The following NHEJ1 variants were observed in gnomAD, a reference collection of about 807,000 sequenced individuals.
NHEJ1 encodes non-homologous end joining factor 1.
A neutral mutation model predicts 39.4 loss-of-function variants in NHEJ1; 22 were observed. That is an observed-to-expected ratio of 0.56 (90% CI 0.40 to 0.80). The LOEUF (loss-of-function observed/expected upper bound fraction) is 0.80. NHEJ1 is among the 30% of genes least tolerant of loss of function. NHEJ1 has a pLI of 0.00. For missense variants in NHEJ1, 329 were observed against 357.1 expected, an observed-to-expected ratio of 0.92 and a Z score of 0.63; for synonymous variants, 154 against 135.6, an observed-to-expected ratio of 1.14 and a Z score of -0.94.
chr2:219,131,156 C>T (rs569387883), intron 5 of NHEJ1, among the ~76,000 whole-genome samples: 2 of 152,250 alleles, frequency 1.3e-5, no homozygotes, highest in South Asian at 4.1e-4. Context: ...GAGCCCCCAG[C>T]ATTCAGTGTT....
At chr2:219,142,476 G>A (rs1459882502) in intron 5 of NHEJ1, among the ~76,000 whole-genome samples, 1 of 152,210 alleles carries the variant, frequency 6.6e-6, no homozygotes, top group Admixed American at 6.5e-5. Flanking sequence ...TGGCTCAGTG[G>A]CATGGCCTTG....
intron 5 of NHEJ1, 78 bp from the exon 6 acceptor site, chr2:219,078,284 G>A (rs983573408): frequency 2.5e-5 from 30 of 1,194,728 alleles, no homozygotes; most frequent in South Asian, 9.7e-5. Context: ...ATGCAGAACC[G>A]GCATCAACCC....
At position 219,078,268 on chromosome 2, in the gene NHEJ1, C is replaced by A. The variant is rs775496710; in HGVS notation, c.589-62G>T. The A allele has an allele frequency of 2.2e-6, 3 of 1,367,430 alleles. No individual in the cohort carries two copies. In the Admixed American group the frequency reaches 5.0e-5, roughly 23 times the overall value. 84.7% of individuals were successfully genotyped at this position (1,367,430 alleles called of 1,614,324 possible). A position where few individuals can be genotyped will look rare whatever the true frequency, so the allele number is the denominator to read the frequency against. On this transcript the variant is annotated intron_variant, in intron 5 of 7. Coordinates refer to ENST00000356853, the MANE Select transcript of NHEJ1 (RefSeq NM_024782.3). ...GTATTGCTAGAGAAGCGATCTAATA[C>A]CCCACATGCAGAACCGGCATCAACC...
At position 219,144,313 on chromosome 2, in the gene NHEJ1, T is replaced by C. The variant is rs1949716278; in HGVS notation, c.588+2367A>G. On this transcript the variant is annotated intron_variant, in intron 5 of 7. Transcript: ENST00000356853. ...GGCACCACGCACAGTGCTGGGGATA[T>C]AGAAATGCATTCAGCATGGTCCTTG... 2.0e-5 allele frequency among the ~76,000 whole-genome samples: 3 copies of C among 152,172 alleles called. No individual in the cohort carries two copies. The South Asian group carries it at 6.2e-4, about 32-fold the overall frequency.
Position 219,159,569 on chromosome 2 carries a change from A to AAC in NHEJ1, c.-1+1150_-1+1151insGT, listed in dbSNP as rs1949903105. ...TATATATGCATATATATATGCATAT[A>AAC]TATATGCATATATATATGCATATAT... On this transcript the variant is annotated intron_variant, in intron 1 of 7. Transcript: ENST00000356853. Among the ~76,000 whole-genome samples the AAC allele has an allele frequency of 1.4e-4, 2 of 14,322 alleles. 1 individual carries two copies. The highest frequency in any genetic ancestry group is 1.6e-3 in the Admixed American group (2 of 1,226). 9.4% of individuals were successfully genotyped at this position (14,322 alleles called of 152,430 possible). A position where few individuals can be genotyped will look rare whatever the true frequency, so the allele number is the denominator to read the frequency against.
intron 5 of NHEJ1, among the ~76,000 whole-genome samples, chr2:219,130,273 A>G (rs955111737): frequency 4.6e-5 from 7 of 152,134 alleles, no homozygotes; most frequent in Non-Finnish European, 8.8e-5. Flanking sequence ...CTGAGCCCCA[A>G]TACAAGGCTA....
At chr2:219,148,774 A>G (rs1949766595) in intron 3 of NHEJ1, among the ~76,000 whole-genome samples, 1 of 152,132 alleles carries the variant, frequency 6.6e-6, no homozygotes, top group Non-Finnish European at 1.5e-5. Context: ...TGGAGTTTCA[A>G]TCTGTTCCCA....
chr2:219,138,331 G>A (rs1334195733), intron 5 of NHEJ1, among the ~76,000 whole-genome samples: 5 of 152,170 alleles, frequency 3.3e-5, no homozygotes, highest in African/African-American at 1.2e-4. Flanking sequence ...ACTTCATCCC[G>A]AAGTTGGGAC....
chr2:219,113,270 T>C (rs1949382244), intron 5 of NHEJ1, among the ~76,000 whole-genome samples: 1 of 152,096 alleles, frequency 6.6e-6, no homozygotes, highest in Admixed American at 6.5e-5. Flanking sequence ...TTTCCAACGC[T>C]GCAGTCTCTG....
chr2:219,143,085 T>C (rs1949706676), intron 5 of NHEJ1, among the ~76,000 whole-genome samples: 1 of 152,184 alleles, frequency 6.6e-6, no homozygotes, highest in African/African-American at 2.4e-5. Flanking sequence ...CCAATGAGAA[T>C]TTTAAAAACT....
chr2:219,091,099 A>G (rs1199246547), intron 5 of NHEJ1, among the ~76,000 whole-genome samples: 1 of 152,110 alleles, frequency 6.6e-6, no homozygotes, highest in Non-Finnish European at 1.5e-5. Flanking sequence ...GGGTAGAGAC[A>G]TGGCCACTGC....
chr2:219,093,678 C>G (rs111773450), intron 5 of NHEJ1, among the ~76,000 whole-genome samples: 2,747 of 152,202 alleles, frequency 0.018, 99 homozygotes, highest in African/African-American at 0.062. Context: ...GGGAAAGGAA[C>G]TGAATGTTAC....
rs1372055276 is a variant in NHEJ1 at position 219,072,191 on chromosome 2, G to C, written c.*4190C>G. ...TCTGAGGCCTTGGCCAAGAACACAAGGAAAAAACATAGAGCAATGAGCTGC... is the reference window on the plus strand; with the variant it reads ...TCTGAGGCCTTGGCCAAGAACACAACGAAAAAACATAGAGCAATGAGCTGC... On this transcript the variant is annotated 3_prime_UTR_variant, in exon 8 of 8. Transcript: ENST00000356853. 2.6e-5 allele frequency among the ~76,000 whole-genome samples: 4 copies of C among 152,154 alleles called. No homozygotes were observed. The highest frequency in any genetic ancestry group is 6.5e-5 in the Admixed American group (1 of 15,274).
At chr2:219,121,782 C>T (rs1024765538) in intron 5 of NHEJ1, among the ~76,000 whole-genome samples, 4 of 151,312 alleles carry the variant, frequency 2.6e-5, no homozygotes, top group South Asian at 4.2e-4. Context: ...GCCCTGATTG[C>T]ACCACCACAC....
intron 4 of NHEJ1, 151 bp downstream of exon 4, chr2:219,147,506 C>T (rs1949752681): frequency 5.7e-6 from 5 of 871,876 alleles, no homozygotes; most frequent in Non-Finnish European, 9.2e-6. Flanking sequence ...AAAAAAGAGT[C>T]ACCTAATATC....
chr2:219,151,494 A>C (rs186629535), intron 3 of NHEJ1, among the ~76,000 whole-genome samples: 26 of 152,384 alleles, frequency 1.7e-4, no homozygotes, highest in African/African-American at 6.0e-4. Flanking sequence ...TATTTGGTTT[A>C]AAGAAAGTTT....
At chr2:219,121,084 T>C (rs1002012295) in intron 5 of NHEJ1, among the ~76,000 whole-genome samples, 5 of 152,004 alleles carry the variant, frequency 3.3e-5, no homozygotes, top group Admixed American at 3.3e-4. Flanking sequence ...TGCATGCCTA[T>C]AATCCCAGCT....
chr2:219,085,196 A>G lies in NHEJ1; in HGVS notation c.589-6990T>C, dbSNP rs1043766372. 1.2e-4 allele frequency among the ~76,000 whole-genome samples: 19 copies of G among 152,364 alleles called. No homozygotes were observed. In the South Asian group the frequency reaches 3.9e-3, roughly 32 times the overall value. On this transcript the variant is annotated intron_variant, in intron 5 of 7. Transcript: ENST00000356853. Reference sequence around the variant, plus strand: ...TCCTCAGAGTCTGAGAGAAAAAACTACTAGGACAGAGAAAAGAGATAGGGT... The same window carrying G: ...TCCTCAGAGTCTGAGAGAAAAAACTGCTAGGACAGAGAAAAGAGATAGGGT...
At chr2:219,101,659 C>A (rs1243462647) in intron 5 of NHEJ1, among the ~76,000 whole-genome samples, 1 of 152,014 alleles carries the variant, frequency 6.6e-6, no homozygotes, top group Non-Finnish European at 1.5e-5. Flanking sequence ...GATCTTCCTG[C>A]CTCGGCCTCC....
Sources: allele counts gnomAD v4.1 joint callset (sites outside exome capture counted in the v4.1 genomes callset), GRCh38; gene constraint gnomAD v4.1.1; transcripts MANE v1.5; gene names NCBI Gene and HGNC (gene_info 2026-07-23, HGNC 2026-07-21).